Variants in SV2C observed in about 807,000 individuals in gnomAD.
SV2C encodes the protein solute carrier family 22 member B3.
SV2C carries 49 observed loss-of-function variants against 79.7 expected under a neutral mutation model. The ratio of observed to expected loss-of-function variants is 0.61; its 90% CI spans 0.49 to 0.78. The LOEUF is 0.78. Among genes scored for constraint, SV2C ranks in the 30% least tolerant of loss-of-function variants. The pLI is 0.00. For missense variants in SV2C, 833 were observed against 912.9 expected (o/e 0.91, Z 1.13); for synonymous variants, 334 against 333.2 (o/e 1.00, Z -0.03).
At chr5:75,854,262 T>C in the SV2C span, among the ~76,000 whole-genome samples, 1 of 152,216 alleles carries the variant, frequency 6.6e-6, no homozygotes, top group Non-Finnish European at 1.5e-5. Flanking sequence ...CACTTATTTA[T>C]ATCAATTCAC....
At chr5:76,160,888 G>A (rs750615914) in intron 2 of SV2C, among the ~76,000 whole-genome samples, 12 of 152,242 alleles carry the variant, frequency 7.9e-5, no homozygotes, top group Non-Finnish European at 1.6e-4. Context: ...AAGAAGTGTT[G>A]GCAAGGATTT....
At chr5:76,156,933 T>C (rs528531075) in intron 2 of SV2C, among the ~76,000 whole-genome samples, 4 of 152,008 alleles carry the variant, frequency 2.6e-5, no homozygotes, top group Non-Finnish European at 4.4e-5. Context: ...TGCACCAACC[T>C]ATATGTAATG....
the SV2C span, among the ~76,000 whole-genome samples, chr5:75,959,770 T>A: frequency 6.6e-6 from 1 of 151,978 alleles, no homozygotes; most frequent in African/African-American, 2.4e-5. Context: ...CTTCTGTCAG[T>A]CCAAAGGTAG....
At chr5:75,881,357 C>G in the SV2C span, among the ~76,000 whole-genome samples, 13 of 152,180 alleles carry the variant, frequency 8.5e-5, no homozygotes, top group Admixed American at 7.9e-4. Context: ...TATATAAAGA[C>G]AGTGACTGGC....
At chr5:75,909,155 G>A in the SV2C span, among the ~76,000 whole-genome samples, 1 of 152,074 alleles carries the variant, frequency 6.6e-6, no homozygotes, top group East Asian at 1.9e-4. Flanking sequence ...CTTTCCTAAG[G>A]GACCACACTG....
the SV2C span, among the ~76,000 whole-genome samples, chr5:75,973,514 GA>G: frequency 6.7e-6 from 1 of 150,324 alleles, no homozygotes; most frequent in East Asian, 1.9e-4. Flanking sequence ...AGAAAAAAAA[GA>G]AAAAGAAAAA....
At chr5:75,888,331 T>TTTTA in the SV2C span, among the ~76,000 whole-genome samples, 1 of 148,354 alleles carries the variant, frequency 6.7e-6, no homozygotes, top group African/African-American at 2.5e-5. Context: ...CCTTGCTTTT[T>TTTTA]AAAAAAAAAA....
the SV2C span, among the ~76,000 whole-genome samples, chr5:75,964,820 G>A: frequency 6.6e-6 from 1 of 152,074 alleles, no homozygotes; most frequent in Non-Finnish European, 1.5e-5. Flanking sequence ...GAGTCTTGGG[G>A]TACGGAAGGA....
chr5:76,094,607 A>G (rs2112104796), intron 1 of SV2C, among the ~76,000 whole-genome samples: 1 of 152,246 alleles, frequency 6.6e-6, no homozygotes, highest in South Asian at 2.1e-4. Context: ...TGGAGCTATT[A>G]TCAATAAAGT....
At chr5:76,147,262 C>A (rs1262387624) in intron 2 of SV2C, among the ~76,000 whole-genome samples, 1 of 152,046 alleles carries the variant, frequency 6.6e-6, no homozygotes, top group African/African-American at 2.4e-5. Flanking sequence ...AGAAAGAAGT[C>A]CTTTTGGAGG....
At position 76,121,261 on chromosome 5, in the gene SV2C, G is replaced by C. The variant is rs948532908; in HGVS notation, c.-101-10389G>C. Among the ~76,000 whole-genome samples the C allele has an allele frequency of 2.6e-5, 4 of 152,228 alleles. No individual in the cohort carries two copies. In the South Asian group the frequency reaches 6.2e-4, roughly 24 times the overall value. On this transcript the variant is annotated intron_variant, in intron 1 of 12. Coordinates refer to ENST00000502798, the MANE Select transcript of SV2C (RefSeq NM_014979.4). ...TTGTTGGAGTTCATTGTAGATTCTG[G>C]ATATTAGCCCTTTGTCAGATGAGTA...
intron 1 of SV2C, among the ~76,000 whole-genome samples, chr5:76,105,049 G>A (rs1747864679): frequency 1.3e-5 from 2 of 152,174 alleles, no homozygotes; most frequent in Non-Finnish European, 2.9e-5. Flanking sequence ...AATCTTTGCA[G>A]ATGAAAGTAG....
the SV2C span, among the ~76,000 whole-genome samples, chr5:75,948,552 T>C: frequency 2.0e-5 from 3 of 151,686 alleles, no homozygotes; most frequent in African/African-American, 7.3e-5. Context: ...GATAAAGAAA[T>C]AGAGTGAAAG....
the SV2C span, among the ~76,000 whole-genome samples, chr5:75,975,258 C>A: frequency 6.6e-6 from 1 of 151,942 alleles, no homozygotes; most frequent in Non-Finnish European, 1.5e-5. Flanking sequence ...CTAGTGAAGC[C>A]CTATTTGTAT....
the SV2C span, among the ~76,000 whole-genome samples, chr5:75,949,643 G>A: frequency 2.2e-3 from 327 of 152,068 alleles, no homozygotes; most frequent in African/African-American, 7.5e-3. Context: ...AAGGGGTTTT[G>A]CCTCTTTCTT....
At chr5:75,951,871 T>C in the SV2C span, among the ~76,000 whole-genome samples, 1 of 152,002 alleles carries the variant, frequency 6.6e-6, no homozygotes, top group Non-Finnish European at 1.5e-5. Context: ...GAAAACCTTA[T>C]TCAGCATTAT....
At chr5:75,975,658 G>A in the SV2C span, among the ~76,000 whole-genome samples, 2 of 152,160 alleles carry the variant, frequency 1.3e-5, no homozygotes, top group Non-Finnish European at 2.9e-5. Context: ...AGGACATTCT[G>A]GTTTCTAGGC....
intron 1 of SV2C, among the ~76,000 whole-genome samples, chr5:76,088,754 C>A (rs1345670599): frequency 6.6e-6 from 1 of 152,002 alleles, no homozygotes; most frequent in Non-Finnish European, 1.5e-5. Context: ...CCAAATCTAG[C>A]AATTCTGTTT....
the SV2C span, among the ~76,000 whole-genome samples, chr5:75,867,180 G>A: frequency 6.6e-6 from 1 of 152,192 alleles, no homozygotes; most frequent in Non-Finnish European, 1.5e-5. Flanking sequence ...TAAGGATTGG[G>A]TAAGAGTAGG....
Sources: allele counts gnomAD v4.1 joint callset (sites outside exome capture counted in the v4.1 genomes callset), GRCh38; gene constraint gnomAD v4.1.1; transcripts MANE v1.5; gene names NCBI Gene and HGNC (gene_info 2026-07-23, HGNC 2026-07-21).